PLG: variants seen among roughly 807,000 people sequenced by gnomAD.
PLG encodes plasminogen.
PLG carries 41 observed loss-of-function variants against 104.4 expected under a neutral mutation model. The observed-to-expected ratio is 0.39, with a 90% CI of 0.31 to 0.51. PLG has a LOEUF of 0.51. Ranked by LOEUF, PLG falls within the 20% of genes least tolerant of loss-of-function variation. The pLI is 0.76. For synonymous variants in PLG, 337 were observed against 357.1 expected, an observed-to-expected ratio of 0.94 and a Z score of 0.63; for missense variants, 891 against 1,003.6, an observed-to-expected ratio of 0.89 and a Z score of 1.52.
intron 17 of PLG, among the ~76,000 whole-genome samples, chr6:160,748,759 C>G (rs1455809578): frequency 6.6e-6 from 1 of 152,196 alleles, no homozygotes; most frequent in African/African-American, 2.4e-5. Context: ...AGACCCTGTC[C>G]ATTATTCTTG....
At chr6:160,705,729 C>G (rs567805151) in intron 1 of PLG, 4 of 152,294 alleles carry the variant, frequency 2.6e-5, no homozygotes, top group African/African-American at 9.7e-5. Context: ...GTGCCAGAAC[C>G]AAAGCGCATA....
At position 160,707,954 on chromosome 6, in the gene PLG, T is replaced by C. The variant is rs150407409; in HGVS notation, c.292+148T>C. ...AATTCTGAGTTAGGACAGGATTTGA[T>C]TACTAACTAACCATGTCAGCTTGAG... On this transcript the variant is annotated intron_variant, in intron 3 of 18. Transcript: ENST00000308192. 2.0e-3 allele frequency: 1,443 copies of C among 715,160 alleles called. 19 individuals carry two copies. The East Asian group carries it at 0.027, about 13-fold the overall frequency. 44.3% of individuals were successfully genotyped at this position (715,160 alleles called of 1,614,324 possible).
At chr6:160,711,595 T>C in intron 4 of PLG, 1 of 1,610,028 alleles carries the variant, frequency 6.2e-7, no homozygotes, top group South Asian at 1.1e-5. Context: ...AGAAAGAATC[T>C]TTTTGATGTC....
At chr6:160,727,949 A>G (rs1447290614) in intron 10 of PLG, among the ~76,000 whole-genome samples, 1 of 151,984 alleles carries the variant, frequency 6.6e-6, no homozygotes, top group Admixed American at 6.6e-5. Flanking sequence ...CCTGAAAACA[A>G]AACAAAAAGA....
At chr6:160,715,709 C>G (rs1008481312) in intron 6 of PLG, among the ~76,000 whole-genome samples, 3 of 152,112 alleles carry the variant, frequency 2.0e-5, no homozygotes, top group Admixed American at 6.5e-5. Flanking sequence ...GAAAGCAGCT[C>G]TATTGAATTT....
At chr6:160,745,015 A>G (rs1582951156) in intron 17 of PLG, among the ~76,000 whole-genome samples, 1 of 152,016 alleles carries the variant, frequency 6.6e-6, no homozygotes, top group Non-Finnish European at 1.5e-5. Flanking sequence ...GTGGTCTGAG[A>G]GTGTGTTTGG....
chr6:160,722,532 C>T lies in PLG; in HGVS notation c.1221C>T (p.His407=). The change falls in exon 10 of 19, where the codon CAC becomes CAT. Residue 407 remains histidine, a synonymous_variant. Coordinates refer to ENST00000308192, the MANE Select transcript of PLG (RefSeq NM_000301.5). The stretch of plus-strand genomic sequence containing the variant: ...AGTCTTGGTCATCTATGACACCACA[C>T]CGGCACCAGAAGACCCCAGAAAACT... ...KCQSWSSMTP[H]RHQKTPENYP... is the part of the protein sequence containing the mutation. 1 of 1,613,952 alleles carries T rather than the reference C, an allele frequency of 6.2e-7. No individual in the cohort carries two copies. The highest frequency in any genetic ancestry group is 8.5e-7 in the Non-Finnish European group (1 of 1,179,878).
rs1004843812 is a variant in PLG, at chr6:160,740,879, C to A, written c.2019-432C>A. On this transcript the variant is annotated intron_variant, in intron 16 of 18. Transcript: ENST00000308192. This position sits in a 1 kb window ranked among gnomAD's most constrained non-coding sequence, Gnocchi z 5.2. ...GGAAATGGAGGATCCAAGGATGGAGCAAGTTGCTCTGGGCACACAACACAT... is the reference window on the plus strand; with the variant it reads ...GGAAATGGAGGATCCAAGGATGGAGAAAGTTGCTCTGGGCACACAACACAT... 6.6e-6 allele frequency among the ~76,000 whole-genome samples: 1 copy of A among 152,138 alleles called. No individual in the cohort carries two copies. The highest frequency in any genetic ancestry group is 2.4e-5 in the African/African-American group (1 of 41,420).
Position 160,739,624 on chromosome 6 carries a change from T to C in PLG, c.2018+416T>C, listed in dbSNP as rs1177496320. On this transcript the variant is annotated intron_variant, in intron 16 of 18. Transcript: ENST00000308192. This position sits in a 1 kb window ranked among gnomAD's most constrained non-coding sequence, Gnocchi z 4.4. Reference sequence around the variant, plus strand: ...AAACCACAAGATCGAGTTGGGTGTCTGGTGTGGGTGCCTGTAATCCCAGCT... The same window carrying C: ...AAACCACAAGATCGAGTTGGGTGTCCGGTGTGGGTGCCTGTAATCCCAGCT... Among the ~76,000 whole-genome samples the C allele has an allele frequency of 6.6e-6, 1 of 151,744 alleles. No individual in the cohort carries two copies. The highest frequency in any genetic ancestry group is 2.4e-5 in the African/African-American group (1 of 41,322).
Position 160,738,663 on chromosome 6 carries a change from G to A in PLG, c.1877+51G>A, listed in dbSNP as rs893845690. Reference sequence around the variant, plus strand: ...AAGTCTTGTCTTAAATACTTTTTCTGTCCTTCTTTTCCTCCTTTCCTCCTT... The same window carrying A: ...AAGTCTTGTCTTAAATACTTTTTCTATCCTTCTTTTCCTCCTTTCCTCCTT... On this transcript the variant is annotated intron_variant, in intron 15 of 18. Coordinates refer to ENST00000308192, the MANE Select transcript of PLG (RefSeq NM_000301.5). This position sits in a 1 kb window ranked among gnomAD's most constrained non-coding sequence, Gnocchi z 6.8. The A allele has an allele frequency of 8.3e-7, 1 of 1,210,156 alleles. No individual in the cohort carries two copies. Among genetic ancestry groups the A allele is most frequent in the Non-Finnish European group, 1.2e-6 (1 of 811,458 alleles). The allele number at this position is 1,210,156 out of a possible 1,614,324, so 75.0% of individuals were successfully genotyped here. A position where few individuals can be genotyped will look rare whatever the true frequency, so the allele number is the denominator to read the frequency against.
At chr6:160,702,709 T>TA (rs1435696167) in intron 1 of PLG, among the ~76,000 whole-genome samples, 2 of 152,240 alleles carry the variant, frequency 1.3e-5, no homozygotes, top group African/African-American at 2.4e-5. Flanking sequence ...TCATCTCTGT[T>TA]ACGGTGTCAT....
Position 160,711,149 on chromosome 6 carries a change from T to A in PLG, c.365T>A (p.Ile122Asn). The change falls in exon 4 of 19, where the codon ATC (isoleucine) becomes AAC (asparagine). Residue 122 changes from isoleucine (I) to asparagine (N), a missense_variant. Coordinates refer to ENST00000308192, the MANE Select transcript of PLG (RefSeq NM_000301.5). ...RGTMSKTKNG[I>N]TCQKWSSTSP... is the part of the protein sequence containing the mutation. ...ACGATGTCCAAAACAAAAAATGGCA[T>A]CACCTGTCAAAAATGGAGTTCCACT... 1.9e-6 allele frequency: 3 copies of A among 1,612,346 alleles called. No homozygotes were observed. Among genetic ancestry groups the A allele is most frequent in the Non-Finnish European group, 2.5e-6 (3 of 1,178,430 alleles).
intron 17 of PLG, among the ~76,000 whole-genome samples, chr6:160,742,042 A>T (rs783184): frequency 0.75 from 114,788 of 152,174 alleles, 43,700 homozygotes; most frequent in East Asian, 0.89. Flanking sequence ...TGTACCACAT[A>T]TTCTTCATCC....
chr6:160,712,954 T>C lies in PLG; in HGVS notation c.408-32T>C, dbSNP rs768833009. On this transcript the variant is annotated intron_variant, in intron 4 of 18. Transcript: ENST00000308192. Reference sequence around the variant, plus strand: ...TAATAGCAAGCTGATTTTTAGAATATAGTCTAAGTGCTTCTTTTCCATCCT... The same window carrying C: ...TAATAGCAAGCTGATTTTTAGAATACAGTCTAAGTGCTTCTTTTCCATCCT... 2.8e-5 allele frequency: 44 copies of C among 1,584,910 alleles called. No individual in the cohort carries two copies. The South Asian group carries it at 3.2e-4, about 12-fold the overall frequency.
chr6:160,718,308 T>C lies in PLG; in HGVS notation c.802T>C (p.Ser268Pro). Reference sequence around the variant, plus strand: ...GCCCATTCAAGCAACACCTCCACCATCTTCTGGTCCCACCTACCAGTGTCT... The same window carrying C: ...GCCCATTCAAGCAACACCTCCACCACCTTCTGGTCCCACCTACCAGTGTCT... ...DIPRCTTPPP[S>P]SGPTYQCLKG... The change falls in exon 8 of 19, where the codon TCT becomes CCT. Residue 268 changes from serine (S) to proline (P), a missense_variant. Ser to Pro is a moderately conservative substitution (Grantham distance 74, BLOSUM62 -1). Coordinates refer to ENST00000308192, the MANE Select transcript of PLG (RefSeq NM_000301.5). 1 of 1,613,836 alleles carries C rather than the reference T, an allele frequency of 6.2e-7. No individual in the cohort carries two copies. The highest frequency in any genetic ancestry group is 8.5e-7 in the Non-Finnish European group (1 of 1,179,714).
intron 10 of PLG, 56 bp downstream of exon 10, chr6:160,722,623 A>G: frequency 6.6e-7 from 1 of 1,519,380 alleles, no homozygotes; most frequent in South Asian, 1.1e-5. Context: ...ATTTCTGTTA[A>G]AAGAGCCATG....
chr6:160,746,216 T>C (rs1380047435), intron 17 of PLG, among the ~76,000 whole-genome samples: 1 of 152,234 alleles, frequency 6.6e-6, no homozygotes, highest in Admixed American at 6.5e-5. Context: ...TATCCTGAAA[T>C]GTTTTCTAAA....
chr6:160,713,273 AT>A (rs113752311), intron 5 of PLG, 148 bp downstream of exon 5: 5,810 of 569,330 alleles, frequency 0.01, no homozygotes, highest in East Asian at 0.023. Context: ...ATTAACCTGA[AT>A]TTTTTTTTTT....
Position 160,731,086 on chromosome 6 carries a change from C to A in PLG, c.1292C>A (p.Ala431Asp), listed in dbSNP as rs761768856. The A allele has an allele frequency of 6.2e-7, 1 of 1,614,006 alleles. No individual in the cohort carries two copies. The highest frequency in any genetic ancestry group is 8.5e-7 in the Non-Finnish European group (1 of 1,179,946). Residue 431 changes from alanine (A) to aspartate (D), a missense_variant, in exon 11 of 19, where the codon GCC becomes GAC. Coordinates refer to ENST00000308192, the MANE Select transcript of PLG (RefSeq NM_000301.5). The surrounding 1 kb of genome is among the most constrained non-coding windows in gnomAD (Gnocchi z 5.1). Reference sequence around the variant, plus strand: ...ATGAACTACTGCAGGAATCCAGATGCCGATAAAGGCCCCTGGTGTTTTACC... The same window carrying A: ...ATGAACTACTGCAGGAATCCAGATGACGATAAAGGCCCCTGGTGTTTTACC... ...LTMNYCRNPD[A>D]DKGPWCFTTD...
Sources: gnomAD v4.1 joint callset for allele counts (sites outside exome capture counted in the v4.1 genomes callset) on GRCh38, gnomAD v4.1.1 for gene constraint, Gnocchi (gnomAD v3.1) non-coding constraint, MANE v1.5 for transcripts, NCBI Gene and HGNC (gene_info 2026-07-23, HGNC 2026-07-21) for gene names.